DDX31: variants seen among roughly 807,000 people sequenced by gnomAD.
DDX31 encodes the protein DEAD-box helicase 31, also known as ATP-dependent DNA helicase DDX31.
DDX31 carries 70 observed loss-of-function variants against 91.3 expected under a neutral mutation model. That is an observed-to-expected ratio of 0.77 (90% CI 0.63 to 0.94). The LOEUF (loss-of-function observed/expected upper bound fraction) is 0.94, where lower values mean the gene tolerates loss of function less well. Ranked by LOEUF, DDX31 falls within the 40% of genes least tolerant of loss-of-function variation. The pLI, the probability that DDX31 is intolerant of heterozygous loss-of-function variation, is 0.00. For synonymous variants in DDX31, 362 were observed against 350.6 expected (o/e 1.03, Z -0.36); for missense variants, 902 against 925.0 (o/e 0.98, Z 0.32).
chr9:132,604,817 C>G (rs1051041744), intron 19 of DDX31, among the ~76,000 whole-genome samples: 2 of 152,204 alleles, frequency 1.3e-5, no homozygotes, highest in African/African-American at 4.8e-5. Flanking sequence ...GGCCTAGCAA[C>G]CTCTCTCTGC....
At chr9:132,597,441 C>T (rs191941842) in intron 19 of DDX31, among the ~76,000 whole-genome samples, 78 of 152,314 alleles carry the variant, frequency 5.1e-4, no homozygotes, top group African/African-American at 1.7e-3. Flanking sequence ...TTTCTTCCCT[C>T]TTGTTTGAAG....
chr9:132,642,839 T>TA (rs1458112204), intron 13 of DDX31, among the ~76,000 whole-genome samples: 1 of 152,018 alleles, frequency 6.6e-6, no homozygotes, highest in East Asian at 1.9e-4. Context: ...CTCTGATTTT[T>TA]TTTTTTTTTT....
chr9:132,632,310 A>ACACACACACACACACACACACACACACAC (rs1192130475), intron 14 of DDX31, among the ~76,000 whole-genome samples: 3 of 147,898 alleles, frequency 2.0e-5, no homozygotes, highest in Non-Finnish European at 4.5e-5. Flanking sequence ...TCCTGCATAC[A>ACACACACACACACACACACACACACACAC]ACTTCAGGGG....
chr9:132,633,417 T>C (rs1832914584), intron 14 of DDX31, among the ~76,000 whole-genome samples: 1 of 152,058 alleles, frequency 6.6e-6, no homozygotes, highest in Non-Finnish European at 1.5e-5. Context: ...CATGAGGCCA[T>C]TCATTTCAGC....
At chr9:132,634,599 T>G (rs867870080) in intron 14 of DDX31, among the ~76,000 whole-genome samples, 1,823 of 150,422 alleles carry the variant, frequency 0.012, 33 homozygotes, top group African/African-American at 0.042. Context: ...TTTTTTTTTT[T>G]TTTTTTTTTT....
chr9:132,610,632 C>T (rs1681338639), intron 19 of DDX31, among the ~76,000 whole-genome samples: 2 of 145,114 alleles, frequency 1.4e-5, no homozygotes, highest in Admixed American at 1.4e-4. Flanking sequence ...CAAGTCACCT[C>T]ATCTTTTTTT....
In DDX31 at chr9:132,662,421, AT is replaced by A; in HGVS notation, c.332+17del. The A allele has an allele frequency of 1.5e-5, 24 of 1,613,896 alleles. No individual in the cohort carries two copies. The highest frequency in any genetic ancestry group is 2.0e-5 in the Non-Finnish European group (24 of 1,179,852). On this transcript the variant is annotated intron_variant, in intron 2 of 19. Coordinates refer to ENST00000372159, the MANE Select transcript of DDX31 (RefSeq NM_022779.9). ...ACACATTTTTTTCTTCCTGAAGGGC[AT>A]CCGCCCCTGGACATACCTGTGGAGT...
chr9:132,597,058 T>TC (rs1830471442), intron 19 of DDX31, among the ~76,000 whole-genome samples: 1 of 152,094 alleles, frequency 6.6e-6, no homozygotes. Context: ...TGGATCGCAG[T>TC]CACAGTTAAA....
intron 19 of DDX31, among the ~76,000 whole-genome samples, chr9:132,599,033 TG>T (rs1324618308): frequency 1.3e-5 from 2 of 152,206 alleles, no homozygotes; most frequent in Non-Finnish European, 2.9e-5. Flanking sequence ...ATGACCACAA[TG>T]GCGCCCTTCA....
At chr9:132,642,195 A>G (rs1195951349) in intron 13 of DDX31, 132 bp from the exon 14 acceptor site, 2 of 784,046 alleles carry the variant, frequency 2.6e-6, no homozygotes, top group Admixed American at 4.7e-5. Flanking sequence ...TTGCCAGGAA[A>G]GAGGAAGAAG....
chr9:132,661,254 A>T lies in DDX31; in HGVS notation c.409-3T>A. On this transcript the variant is annotated splice_polypyrimidine_tract_variant and splice_region_variant and intron_variant, in intron 3 of 19. Transcript: ENST00000372159. ...AAGACCGTATTTATTGTGGAAATCTAAAAGAGGAGATGAAAAAGCTTTAAT... is the reference window on the plus strand; with the variant it reads ...AAGACCGTATTTATTGTGGAAATCTTAAAGAGGAGATGAAAAAGCTTTAAT... 2 of 1,597,868 alleles carry T rather than the reference A, an allele frequency of 1.3e-6. No homozygotes were observed. The highest frequency in any genetic ancestry group is 1.7e-6 in the Non-Finnish European group (2 of 1,169,012).
chr9:132,616,217 C>T lies in DDX31; in HGVS notation c.1825+2113G>A, dbSNP rs200690557. Among the ~76,000 whole-genome samples, 36 of 152,194 alleles carry T rather than the reference C, an allele frequency of 2.4e-4. 1 individual carries two copies. In the East Asian group the frequency reaches 4.2e-3, roughly 18 times the overall value. On this transcript the variant is annotated intron_variant, in intron 18 of 19. Coordinates refer to ENST00000372159, the MANE Select transcript of DDX31 (RefSeq NM_022779.9). ...GAGCTCTGTAAGAGGCGGTGTTGTC[C>T]CAGCCCATTATCAATCTGGTGTGGA...
chr9:132,660,561 C>T (rs1000214715), intron 4 of DDX31, among the ~76,000 whole-genome samples: 3 of 152,152 alleles, frequency 2.0e-5, no homozygotes, highest in African/African-American at 7.2e-5. Context: ...AAATGTGTGT[C>T]TACACATGTA....
intron 14 of DDX31, among the ~76,000 whole-genome samples, chr9:132,633,859 G>A (rs985211399): frequency 6.6e-5 from 10 of 152,050 alleles, no homozygotes; most frequent in South Asian, 2.1e-4. Flanking sequence ...ACATATTCTC[G>A]CCAAACAAAA....
At position 132,658,748 on chromosome 9, in the gene DDX31, AAGC is replaced by A; in HGVS notation, c.524-16_524-14del. ...GCAAGAGTTTTACCTTTCAAAAAAA[AAGC>A]AGAAGCAATTAAAATCACACACCCT... is the stretch of plus-strand genomic sequence containing the variant. On this transcript the variant is annotated splice_polypyrimidine_tract_variant and intron_variant, in intron 5 of 19. Coordinates refer to ENST00000372159, the MANE Select transcript of DDX31 (RefSeq NM_022779.9). 1.9e-6 allele frequency: 3 copies of A among 1,612,596 alleles called. No individual in the cohort carries two copies. In the South Asian group the frequency reaches 3.3e-5, roughly 18 times the overall value.
chr9:132,658,589 G>A, intron 6 of DDX31, 82 bp downstream of exon 6: 2 of 1,276,714 alleles, frequency 1.6e-6, no homozygotes, highest in Non-Finnish European at 2.2e-6. Flanking sequence ...GATTCTTTTA[G>A]TCCTAATATT....
intron 12 of DDX31, 80 bp from the exon 13 acceptor site, chr9:132,646,151 C>G: frequency 7.0e-7 from 1 of 1,428,706 alleles, no homozygotes; most frequent in Non-Finnish European, 9.5e-7. Flanking sequence ...CTAAACTATA[C>G]AGTCATGCTG....
chr9:132,655,647 T>G (rs902088760), intron 6 of DDX31, among the ~76,000 whole-genome samples: 1 of 152,172 alleles, frequency 6.6e-6, no homozygotes, highest in African/African-American at 2.4e-5. Flanking sequence ...AAAACATATA[T>G]GGTACATTAT....
At chr9:132,603,918 TG>T (rs1830862923) in intron 19 of DDX31, among the ~76,000 whole-genome samples, 1 of 152,138 alleles carries the variant, frequency 6.6e-6, no homozygotes, top group Admixed American at 6.5e-5. Context: ...AGGGTGCGTT[TG>T]TTCCACGAGG....
Sources: gnomAD v4.1 joint callset for allele counts (sites outside exome capture counted in the v4.1 genomes callset) on GRCh38, gnomAD v4.1.1 for gene constraint, MANE v1.5 for transcripts, NCBI Gene and HGNC (gene_info 2026-07-23, HGNC 2026-07-21) for gene names.